The following ABCA4 variants were observed in gnomAD, a reference collection of about 807,000 sequenced individuals.
ABCA4 encodes ATP binding cassette subfamily A member 4.
ABCA4 carries 196 observed loss-of-function variants against 263.7 expected under a neutral mutation model. That is an observed-to-expected ratio of 0.74 (90% CI 0.66 to 0.84). The LOEUF (loss-of-function observed/expected upper bound fraction) is 0.84, where lower values mean the gene tolerates loss of function less well. Ranked by LOEUF, ABCA4 falls within the 40% of genes least tolerant of loss-of-function variation. ABCA4 has a pLI of 0.00. For synonymous variants in ABCA4, 1,133 were observed against 1,094.2 expected (o/e 1.04, Z -0.70); for missense variants, 2,792 against 2,855.1 (o/e 0.98, Z 0.50).
At chr1:94,083,256 G>T in intron 7 of ABCA4, 96 bp downstream of exon 7, 1 of 1,116,404 alleles carries the variant, frequency 9.0e-7, no homozygotes, top group South Asian at 1.2e-5. Flanking sequence ...ACTTTTCCTT[G>T]AACAGGTTTG....
intron 13 of ABCA4, 76 bp from the exon 14 acceptor site, chr1:94,060,835 A>G: frequency 8.0e-7 from 1 of 1,250,930 alleles, no homozygotes. Flanking sequence ...TTGTTGAATG[A>G]ATGTGTTGAG....
chr1:94,112,408 A>G (rs904849105), intron 2 of ABCA4, among the ~76,000 whole-genome samples: 6 of 152,232 alleles, frequency 3.9e-5, no homozygotes, highest in African/African-American at 1.4e-4. Flanking sequence ...TAGGTATAAA[A>G]AAATAAAAAC....
chr1:94,106,453 T>G (rs1207759668), intron 4 of ABCA4, among the ~76,000 whole-genome samples: 1 of 152,126 alleles, frequency 6.6e-6, no homozygotes, highest in East Asian at 1.9e-4. Context: ...CGCCAGGAGC[T>G]GGACAGCCCA....
intron 4 of ABCA4, among the ~76,000 whole-genome samples, chr1:94,105,679 T>C (rs1361028026): frequency 2.0e-5 from 3 of 151,880 alleles, no homozygotes; most frequent in Non-Finnish European, 2.9e-5. Flanking sequence ...CAGGAGAATG[T>C]AGGAGGCTCC....
At chr1:94,010,759 C>A (rs1659520749) in intron 40 of ABCA4, 41 bp downstream of exon 40, 1 of 1,614,010 alleles carries the variant, frequency 6.2e-7, no homozygotes. Flanking sequence ...GTTCTGGATG[C>A]CCTGAGCTGC....
intron 6 of ABCA4, among the ~76,000 whole-genome samples, chr1:94,094,051 T>C (rs983520114): frequency 3.3e-5 from 5 of 152,122 alleles, no homozygotes; most frequent in Admixed American, 3.3e-4. Context: ...AAAACCCTTA[T>C]GGAGAAGTGG....
rs775008355 is a variant in ABCA4, at chr1:93,996,244, G to A, written c.6730-49C>T. ...TTAGGTAGATATTTCCAGGAAAACA[G>A]CACCCTACACCCACCTACCCACTTT... On this transcript the variant is annotated intron_variant, in intron 48 of 49. Transcript: ENST00000370225. 11 of 1,408,768 alleles carry A rather than the reference G, an allele frequency of 7.8e-6. No individual in the cohort carries two copies. The Admixed American group carries it at 1.7e-4, about 22-fold the overall frequency. 87.3% of individuals were successfully genotyped at this position (1,408,768 alleles called of 1,614,324 possible).
Position 94,018,208 on chromosome 1 carries a change from T to TAC in ABCA4, c.5196+1372_5196+1373dup, listed in dbSNP as rs3838274. On this transcript the variant is annotated intron_variant, in intron 36 of 49. Coordinates refer to ENST00000370225, the MANE Select transcript of ABCA4 (RefSeq NM_000350.3). ...GCGCACACGCGCGTGCGTGCACACA[T>TAC]ACACACACACAGAAACACGTGGGCC... 0.17 allele frequency among the ~76,000 whole-genome samples: 25,247 copies of TAC among 152,244 alleles called. 2,318 individuals carry two copies. The highest frequency in any genetic ancestry group is 0.2 in the Non-Finnish European group (13,930 of 67,996).
intron 6 of ABCA4, among the ~76,000 whole-genome samples, chr1:94,089,463 CT>C (rs1469125943): frequency 6.8e-6 from 1 of 148,020 alleles, no homozygotes; most frequent in Non-Finnish European, 1.5e-5. Flanking sequence ...AAGTTTCTTT[CT>C]TTTCTATTTT....
intron 1 of ABCA4, among the ~76,000 whole-genome samples, chr1:94,116,965 T>C (rs987926491): frequency 9.4e-5 from 11 of 117,388 alleles, no homozygotes; most frequent in Non-Finnish European, 1.7e-4. Flanking sequence ...CCTTTCTTTC[T>C]TTCTCTTTCT....
rs562067735 is a variant in ABCA4, at chr1:94,053,099, G to C, written c.2588-1401C>G. Among the ~76,000 whole-genome samples the C allele has an allele frequency of 6.6e-5, 10 of 152,300 alleles. No individual in the cohort carries two copies. The South Asian group carries it at 2.1e-3, about 32-fold the overall frequency. Reference sequence around the variant, plus strand: ...GGTTGCTGAACACTTTGAGGTGCTGGGAGAGTGGTGCGTCTAGAGAGAGCA... The same window carrying C: ...GGTTGCTGAACACTTTGAGGTGCTGCGAGAGTGGTGCGTCTAGAGAGAGCA... On this transcript the variant is annotated intron_variant, in intron 16 of 49. Transcript: ENST00000370225.
At chr1:94,039,682 G>A (rs1175877966) in intron 24 of ABCA4, among the ~76,000 whole-genome samples, 2 of 152,208 alleles carry the variant, frequency 1.3e-5, no homozygotes, top group Admixed American at 1.3e-4. Flanking sequence ...GCATCACCAT[G>A]CTTCCACTAG....
intron 6 of ABCA4, 80 bp downstream of exon 6, chr1:94,098,714 C>T (rs1662201512): frequency 1.3e-6 from 2 of 1,527,304 alleles, no homozygotes; most frequent in African/African-American, 1.4e-5. Context: ...AGGCTCACGC[C>T]CTCCCCAAGG....
Position 94,051,742 on chromosome 1 carries a change from C to T in ABCA4, c.2588-44G>A, listed in dbSNP as rs183395221. On this transcript the variant is annotated intron_variant, in intron 16 of 49. Transcript: ENST00000370225. ...AAACAGAGAAAGTCGAAGGAGTCTC[C>T]CTATCCTACCTTACCGCAGTTCTAT... 106 of 1,417,494 alleles carry T rather than the reference C, an allele frequency of 7.5e-5. No homozygotes were observed. The East Asian group carries it at 1.8e-3, about 25-fold the overall frequency. The allele number at this position is 1,417,494 out of a possible 1,614,324, so 87.8% of individuals were successfully genotyped here.
chr1:94,078,627 T>C lies in ABCA4; in HGVS notation c.1319A>G (p.Tyr440Cys), dbSNP rs770439859. ...CATCTGTGTGCTGTTGTCAAAGAAG[T>C]ACCAGATCTGGGGCCCTACTTCTTC... The part of the protein sequence containing the change: ...AWEEVGPQIW[Y>C]FFDNSTQMNM... The change falls in exon 10 of 50, where the codon TAC becomes TGC. Residue 440 changes from tyrosine to cysteine, a missense_variant. By Grantham distance (194) the Tyr-to-Cys change is radical (BLOSUM62 -2). Transcript: ENST00000370225. 8.4e-5 allele frequency: 121 copies of C among 1,446,558 alleles called. No homozygotes were observed. The South Asian group carries it at 1.1e-3, about 13-fold the overall frequency. 89.6% of individuals were successfully genotyped at this position (1,446,558 alleles called of 1,614,324 possible).
intron 2 of ABCA4, among the ~76,000 whole-genome samples, chr1:94,111,801 C>T (rs892571651): frequency 9.9e-5 from 15 of 152,074 alleles, no homozygotes; most frequent in Non-Finnish European, 2.1e-4. Context: ...GGGAGACAGA[C>T]GGATGTTGTA....
chr1:94,019,505 G>A, intron 36 of ABCA4, 77 bp downstream of exon 36: 1 of 1,490,106 alleles, frequency 6.7e-7, no homozygotes, highest in South Asian at 1.3e-5. Flanking sequence ...TCCCCTCTTG[G>A]TCTGGTCCTT....
At chr1:94,093,484 C>T (rs1040009439) in intron 6 of ABCA4, among the ~76,000 whole-genome samples, 6 of 152,328 alleles carry the variant, frequency 3.9e-5, no homozygotes, top group Middle Eastern at 3.4e-3. Flanking sequence ...GAGAACCTGA[C>T]GCCTCACACA....
rs764435582 is a variant in ABCA4 at position 94,036,781 on chromosome 1, A to G, written c.3821T>C (p.Leu1274Pro). ...TGAATCAGAATCCTCCGTGACCTTC[A>G]GAAAAATCTGTCAAGAAGAAAAAAA... is the stretch of plus-strand genomic sequence containing the variant. The part of the protein sequence containing the change: ...ISDTPLEEIF[L>P]KVTEDSDSGP... The change falls in exon 26 of 50, where the codon CTG (leucine) becomes CCG (proline). Residue 1274 changes from leucine (L) to proline (P), a missense_variant. Coordinates refer to ENST00000370225, the MANE Select transcript of ABCA4 (RefSeq NM_000350.3). 2.5e-6 allele frequency: 4 copies of G among 1,614,066 alleles called. No individual in the cohort carries two copies. The highest frequency in any genetic ancestry group is 1.3e-5 in the African/African-American group (1 of 74,936).
Sources: gnomAD v4.1 joint callset for allele counts (sites outside exome capture counted in the v4.1 genomes callset) on GRCh38, gnomAD v4.1.1 for gene constraint, MANE v1.5 for transcripts, NCBI Gene and HGNC (gene_info 2026-07-23, HGNC 2026-07-21) for gene names.